Variants in PCDHGA5 observed in about 807,000 individuals in gnomAD.
The protein encoded by PCDHGA5 is protocadherin gamma subfamily A, 5.
A neutral mutation model predicts 56.7 loss-of-function variants in PCDHGA5; 36 were observed. The observed-to-expected ratio is 0.64, with a 90% confidence interval of 0.49 to 0.84. The LOEUF is 0.84. PCDHGA5 is among the 40% of genes least tolerant of loss of function. The pLI is 0.00. For missense variants in PCDHGA5, 1,305 were observed against 1,201.5 expected (o/e 1.09, Z -1.27); for synonymous variants, 563 against 520.2 (o/e 1.08, Z -1.12).
At chr5:141,409,330 C>T (rs920851409) in intron 1 of PCDHGA5, 1 of 1,613,836 alleles carries the variant, frequency 6.2e-7, no homozygotes, top group African/African-American at 1.3e-5. Flanking sequence ...ATCTGGATTT[C>T]GGAGGAAATG....
chr5:141,398,183 T>C, intron 1 of PCDHGA5: 1 of 1,477,856 alleles, frequency 6.8e-7, no homozygotes, highest in South Asian at 1.4e-5. Flanking sequence ...GTGCTCTTTC[T>C]CTTCCTGCTG....
chr5:141,389,610 G>C, intron 1 of PCDHGA5: 1 of 1,613,118 alleles, frequency 6.2e-7, no homozygotes, highest in Non-Finnish European at 8.5e-7. Flanking sequence ...CTTCGATATG[G>C]TGCCGCACGC....
intron 1 of PCDHGA5, chr5:141,412,947 C>A (rs930035804): frequency 2.1e-6 from 1 of 474,890 alleles, no homozygotes; most frequent in African/African-American, 2.0e-5. Flanking sequence ...CTCTGAGCGC[C>A]GCTGTTCACC....
chr5:141,401,458 A>T (rs1470076616), intron 1 of PCDHGA5, among the ~76,000 whole-genome samples: 1 of 152,186 alleles, frequency 6.6e-6, no homozygotes, highest in Non-Finnish European at 1.5e-5. Context: ...CATCCAAATA[A>T]TTTTCTAAGT....
intron 1 of PCDHGA5, chr5:141,419,732 G>A (rs2096422854): frequency 6.2e-7 from 1 of 1,613,792 alleles, no homozygotes; most frequent in Non-Finnish European, 8.5e-7. Flanking sequence ...GCGAACAGGC[G>A]AGGTGCGCAT....
intron 1 of PCDHGA5, among the ~76,000 whole-genome samples, chr5:141,447,303 C>G (rs1328783075): frequency 6.6e-6 from 1 of 151,990 alleles, no homozygotes; most frequent in Non-Finnish European, 1.5e-5. Context: ...CCACACCCGG[C>G]TAATTTTTGT....
Position 141,476,208 on chromosome 5 carries a change from C to T in PCDHGA5, c.2422-18599C>T, listed in dbSNP as rs1266601125. The T allele has an allele frequency of 6.2e-7, 1 of 1,613,794 alleles. No homozygotes were observed. ...CTTGGTGCCTTGAACAAGGCTTCCA[C>T]GGTCATTCACTATGAGATCCCGGAG... On this transcript the variant is annotated intron_variant, in intron 1 of 3. Coordinates refer to ENST00000518069, the MANE Select transcript of PCDHGA5 (RefSeq NM_018918.3). The surrounding 1 kb of genome is among the most constrained non-coding windows in gnomAD (Gnocchi z 7.6).
intron 1 of PCDHGA5, among the ~76,000 whole-genome samples, chr5:141,386,520 G>T (rs976508801): frequency 0.014 from 2 of 142 alleles, no homozygotes; most frequent in Non-Finnish European, 0.032. Flanking sequence ...TTCAAAAAAA[G>T]ACTCTTTTTA....
chr5:141,405,400 T>C (rs986034251), intron 1 of PCDHGA5: 3 of 1,590,732 alleles, frequency 1.9e-6, no homozygotes, highest in Non-Finnish European at 2.6e-6. Flanking sequence ...TTTTCTTTCT[T>C]TCTTTTCTTT....
chr5:141,390,371 T>C (rs761971479), intron 1 of PCDHGA5: 15 of 1,499,488 alleles, frequency 1.0e-5, no homozygotes, highest in Non-Finnish European at 3.6e-6. Context: ...GGAAAATATA[T>C]AATTTTTAGA....
chr5:141,400,965 CTCTT>C (rs2094096418), intron 1 of PCDHGA5, among the ~76,000 whole-genome samples: 1 of 151,032 alleles, frequency 6.6e-6, no homozygotes, highest in Non-Finnish European at 1.5e-5. Flanking sequence ...TAGTTTTCAT[CTCTT>C]TCTTATGTTC....
chr5:141,419,785 G>T, intron 1 of PCDHGA5: 2 of 1,614,052 alleles, frequency 1.2e-6, no homozygotes, highest in Non-Finnish European at 1.7e-6. Flanking sequence ...GCCAGCGCCT[G>T]CTAGTCGCTG....
rs1193497090 is a variant in PCDHGA5 at position 141,485,890 on chromosome 5, C to T, written c.2422-8917C>T. On this transcript the variant is annotated intron_variant, in intron 1 of 3. Coordinates refer to ENST00000518069, the MANE Select transcript of PCDHGA5 (RefSeq NM_018918.3). This position sits in a 1 kb window ranked among gnomAD's most constrained non-coding sequence, Gnocchi z 5.7. ...CCGTGCTGGACGTAAACGACAACGC[C>T]CCAGCCTTCCAGCAATCCAGCTACA... The T allele has an allele frequency of 6.2e-6, 10 of 1,614,156 alleles. No homozygotes were observed. Among genetic ancestry groups the T allele is most frequent in the Non-Finnish European group, 6.8e-6 (8 of 1,180,022 alleles).
chr5:141,413,117 C>A, intron 1 of PCDHGA5: 1 of 1,509,120 alleles, frequency 6.6e-7, no homozygotes, highest in Non-Finnish European at 8.9e-7. Context: ...ACAAAGGAAC[C>A]GGTTGAAACA....
In PCDHGA5 at chr5:141,365,065, C is replaced by T. The variant is rs1300257401; in HGVS notation, c.735C>T (p.Ser245=). The T allele has an allele frequency of 6.2e-7, 1 of 1,613,786 alleles. No individual in the cohort carries two copies. The highest frequency in any genetic ancestry group is 8.5e-7 in the Non-Finnish European group (1 of 1,179,880). The change falls in exon 1 of 4, where the codon TCC becomes TCT. Residue 245 remains serine, a synonymous_variant. Coordinates refer to ENST00000518069, the MANE Select transcript of PCDHGA5 (RefSeq NM_018918.3). ...ANDNAPLFTP[S]EYSVSVPENI... The stretch of plus-strand genomic sequence containing the variant: ...ACAATGCGCCCCTGTTCACCCCATC[C>T]GAGTACAGCGTGAGTGTTCCAGAGA...
At chr5:141,414,352 T>C in intron 1 of PCDHGA5, 8 of 1,613,968 alleles carry the variant, frequency 5.0e-6, no homozygotes, top group Non-Finnish European at 6.8e-6. Flanking sequence ...CATTTTGGCG[T>C]ATCTACCATT....
chr5:141,369,516 T>C (rs1766308366), intron 1 of PCDHGA5, among the ~76,000 whole-genome samples: 1 of 151,978 alleles, frequency 6.6e-6, no homozygotes, highest in South Asian at 2.1e-4. Flanking sequence ...AAAAAAAAAG[T>C]TTTCAATCAT....
intron 1 of PCDHGA5, among the ~76,000 whole-genome samples, chr5:141,401,792 T>C (rs1359997438): frequency 6.6e-6 from 1 of 152,212 alleles, no homozygotes; most frequent in Non-Finnish European, 1.5e-5. Context: ...CCTTAGTATG[T>C]GATTCAGTAA....
chr5:141,390,526 T>C, intron 1 of PCDHGA5: 1 of 548,274 alleles, frequency 1.8e-6, no homozygotes, highest in East Asian at 3.2e-5. Context: ...AATGAGGGTG[T>C]GGTTTTAACC....
Sources: gnomAD v4.1 joint callset for allele counts (sites outside exome capture counted in the v4.1 genomes callset) on GRCh38, gnomAD v4.1.1 for gene constraint, Gnocchi (gnomAD v3.1) non-coding constraint, MANE v1.5 for transcripts, NCBI Gene and HGNC (gene_info 2026-07-23, HGNC 2026-07-21) for gene names.